PAM: variants seen among roughly 807,000 people sequenced by gnomAD.
PAM encodes peptidylglycine alpha-amidating monooxygenase.
PAM carries 72 observed loss-of-function variants against 122.1 expected under a neutral mutation model. That is an observed-to-expected ratio of 0.59 (90% CI 0.49 to 0.72). PAM has a LOEUF of 0.72. Ranked by LOEUF, PAM falls within the 30% of genes least tolerant of loss-of-function variation. The pLI is 0.00. For synonymous variants in PAM, 389 were observed against 404.4 expected (o/e 0.96, Z 0.46); for missense variants, 1,106 against 1,183.7 (o/e 0.93, Z 0.96).
At chr5:102,875,520 C>G (rs1316730390) in intron 3 of PAM, among the ~76,000 whole-genome samples, 2 of 152,096 alleles carry the variant, frequency 1.3e-5, no homozygotes, top group Admixed American at 1.3e-4. Context: ...ATAACTTTTT[C>G]TTATATCTTC....
intron 7 of PAM, among the ~76,000 whole-genome samples, chr5:102,935,240 G>A (rs1390138096): frequency 6.6e-6 from 1 of 151,722 alleles, no homozygotes; most frequent in Non-Finnish European, 1.5e-5. Context: ...ATAAACTAAT[G>A]TATCAGATAT....
intron 21 of PAM, among the ~76,000 whole-genome samples, chr5:103,012,123 C>T (rs745319890): frequency 6.6e-6 from 1 of 152,124 alleles, no homozygotes; most frequent in Non-Finnish European, 1.5e-5. Context: ...AGATTTTTTA[C>T]TATAGAGTTG....
At chr5:102,792,952 A>G (rs1459338636) in intron 1 of PAM, among the ~76,000 whole-genome samples, 1 of 152,172 alleles carries the variant, frequency 6.6e-6, no homozygotes, top group African/African-American at 2.4e-5. Flanking sequence ...TCTAGTGTTG[A>G]TCAAGTAACA....
At chr5:102,968,515 AGCT>A (rs1214096741) in intron 14 of PAM, among the ~76,000 whole-genome samples, 2 of 152,264 alleles carry the variant, frequency 1.3e-5, no homozygotes, top group African/African-American at 4.8e-5. Context: ...AAGAAATTTT[AGCT>A]GCTATTATTA....
intron 4 of PAM, among the ~76,000 whole-genome samples, chr5:102,910,780 C>G (rs1276218818): frequency 6.6e-6 from 1 of 151,760 alleles, no homozygotes; most frequent in Non-Finnish European, 1.5e-5. Context: ...CCCCTTGGAT[C>G]CTTTATTTCT....
At chr5:102,870,747 A>G (rs1787156853) in intron 3 of PAM, among the ~76,000 whole-genome samples, 1 of 152,176 alleles carries the variant, frequency 6.6e-6, no homozygotes, top group Non-Finnish European at 1.5e-5. Flanking sequence ...GGCAGGTTTT[A>G]AATAGCCTAT....
At chr5:102,928,166 A>C (rs1236673143) in intron 7 of PAM, among the ~76,000 whole-genome samples, 1 of 152,188 alleles carries the variant, frequency 6.6e-6, no homozygotes, top group African/African-American at 2.4e-5. Flanking sequence ...CGCAAACCCT[A>C]ATCTCTACCC....
intron 1 of PAM, among the ~76,000 whole-genome samples, chr5:102,770,249 G>C (rs980263978): frequency 6.6e-6 from 1 of 151,986 alleles, no homozygotes; most frequent in African/African-American, 2.4e-5. Flanking sequence ...TTGTTTATTA[G>C]ATCTATTAGT....
At chr5:102,800,207 T>A (rs1764331427) in intron 1 of PAM, among the ~76,000 whole-genome samples, 1 of 152,174 alleles carries the variant, frequency 6.6e-6, no homozygotes, top group African/African-American at 2.4e-5. Context: ...AAGCTTCTAT[T>A]CTTCGATTTT....
intron 1 of PAM, among the ~76,000 whole-genome samples, chr5:102,861,465 G>C (rs771876951): frequency 2.6e-5 from 4 of 152,188 alleles, no homozygotes; most frequent in Admixed American, 2.0e-4. Flanking sequence ...TAGCTAGCCT[G>C]TAATCTTCCA....
At chr5:102,922,712 C>T (rs1240102656) in intron 5 of PAM, among the ~76,000 whole-genome samples, 1 of 152,140 alleles carries the variant, frequency 6.6e-6, no homozygotes, top group East Asian at 1.9e-4. Context: ...CTTGTTTAAC[C>T]TAAGACTGTC....
chr5:103,003,537 T>C (rs1430581917), intron 17 of PAM, among the ~76,000 whole-genome samples: 1 of 151,918 alleles, frequency 6.6e-6, no homozygotes, highest in Non-Finnish European at 1.5e-5. Context: ...TGTATACATA[T>C]GTCATAACAT....
intron 3 of PAM, among the ~76,000 whole-genome samples, chr5:102,869,927 C>T (rs913705301): frequency 1.5e-4 from 22 of 147,436 alleles, no homozygotes; most frequent in African/African-American, 5.3e-4. Context: ...AAGAGTTGAC[C>T]GAAAAACAAA....
At chr5:102,968,310 A>C (rs1764729663) in intron 14 of PAM, among the ~76,000 whole-genome samples, 1 of 152,194 alleles carries the variant, frequency 6.6e-6, no homozygotes, top group Non-Finnish European at 1.5e-5. Flanking sequence ...CAGTCTAGTG[A>C]GCAGTTTGGA....
chr5:103,021,903 A>C (rs1214318346), intron 23 of PAM, among the ~76,000 whole-genome samples: 1 of 152,132 alleles, frequency 6.6e-6, no homozygotes, highest in Non-Finnish European at 1.5e-5. Flanking sequence ...CTTTGATAAC[A>C]CTTATCCCTA....
intron 14 of PAM, among the ~76,000 whole-genome samples, chr5:102,973,765 G>A (rs1203806395): frequency 6.6e-6 from 1 of 152,088 alleles, no homozygotes; most frequent in Non-Finnish European, 1.5e-5. Flanking sequence ...GTTATCTAAT[G>A]TAGCTATTGA....
intron 1 of PAM, among the ~76,000 whole-genome samples, chr5:102,792,206 G>A (rs764347407): frequency 3.9e-5 from 6 of 152,144 alleles, no homozygotes; most frequent in Non-Finnish European, 8.8e-5. Flanking sequence ...TAACATTAAT[G>A]TGTGTGTATA....
intron 21 of PAM, among the ~76,000 whole-genome samples, chr5:103,011,729 GTTTA>G (rs1780698185): frequency 6.6e-6 from 1 of 152,198 alleles, no homozygotes; most frequent in African/African-American, 2.4e-5. Flanking sequence ...AAACGTGGGA[GTTTA>G]TTTAGCTCTT....
intron 1 of PAM, among the ~76,000 whole-genome samples, chr5:102,846,325 C>G (rs918392878): frequency 4.6e-5 from 7 of 152,182 alleles, no homozygotes; most frequent in Admixed American, 4.6e-4. Flanking sequence ...TCACGAGGTC[C>G]TTTGTGCATT....
Sources: allele counts gnomAD v4.1 joint callset (sites outside exome capture counted in the v4.1 genomes callset), GRCh38; gene constraint gnomAD v4.1.1; transcripts MANE v1.5; gene names NCBI Gene and HGNC (gene_info 2026-07-23, HGNC 2026-07-21).